The following PCDH15 variants were observed in gnomAD, a reference collection of about 807,000 sequenced individuals.
The protein encoded by PCDH15 is protocadherin related 15, also known as protocadherin-15.
PCDH15 carries 129 observed loss-of-function variants against 178.5 expected under a neutral mutation model. That is an observed-to-expected ratio of 0.72 (90% confidence interval 0.63 to 0.84). PCDH15 has a LOEUF of 0.84. Ranked by LOEUF, PCDH15 falls within the 40% of genes least tolerant of loss-of-function variation. PCDH15 has a pLI of 0.00. For missense variants in PCDH15, 2,230 were observed against 2,099.9 expected, an observed-to-expected ratio of 1.06 and a Z score of -1.21; for synonymous variants, 800 against 732.0, an observed-to-expected ratio of 1.09 and a Z score of -1.50.
chr10:54,585,717 A>G lies in PCDH15; in HGVS notation c.92-57840T>C, dbSNP rs140351970. Among the ~76,000 whole-genome samples the G allele has an allele frequency of 2.3e-3, 347 of 152,278 alleles. 1 individual carries two copies. Among genetic ancestry groups the G allele is most frequent in the African/African-American group, 7.8e-3 (325 of 41,556 alleles). On this transcript the variant is annotated intron_variant, in intron 2 of 37. Transcript: ENST00000644397. The stretch of plus-strand genomic sequence containing the variant: ...CATTGGTACTATTAGCTTAACAGAT[A>G]AAACCACAGATAACAGCCGCAATCA...
At position 54,664,115 on chromosome 10, in the gene PCDH15, CAAT is replaced by C. The variant is rs1590917711; in HGVS notation, c.91+54_91+56del. The C allele has an allele frequency of 2.7e-5, 34 of 1,256,462 alleles. No individual in the cohort carries two copies. In the East Asian group the frequency reaches 8.1e-4, roughly 30 times the overall value. The allele number at this position is 1,256,462 out of a possible 1,614,324, so 77.8% of individuals were successfully genotyped here. On this transcript the variant is annotated intron_variant, in intron 2 of 37. Coordinates refer to ENST00000644397, the MANE Select transcript of PCDH15 (RefSeq NM_001384140.1). ...ATTATTCATCTCTGTGGTATATTTT[CAAT>C]GTAATAATAAAAATCCTGGCTCGCT...
intron 2 of PCDH15, among the ~76,000 whole-genome samples, chr10:54,938,826 A>G (rs1837978231): frequency 6.6e-6 from 1 of 152,194 alleles, no homozygotes; most frequent in Non-Finnish European, 1.5e-5. Flanking sequence ...GATCTTAGAG[A>G]GATGTCATTC....
At position 54,806,752 on chromosome 10, in the gene PCDH15, G is replaced by A. The variant is rs73268245; in HGVS notation, c.-29+90698C>T. 3.7e-3 allele frequency among the ~76,000 whole-genome samples: 561 copies of A among 152,230 alleles called. 1 individual carries two copies. The highest frequency in any genetic ancestry group is 0.013 in the African/African-American group (539 of 41,536). The stretch of plus-strand genomic sequence containing the variant: ...ACCCGCCTTGGCCTCAAAGAATTCT[G>A]GGATTACAGGTCTGAGCCGCCTCGC... On this transcript the variant is annotated intron_variant, in intron 3 of 5. Transcript: ENST00000458638.
chr10:54,025,349 A>T (rs1286659022), intron 18 of PCDH15, among the ~76,000 whole-genome samples: 1 of 152,152 alleles, frequency 6.6e-6, no homozygotes, highest in Non-Finnish European at 1.5e-5. Context: ...CTAAGGAGAA[A>T]CAACTTCTTT....
intron 3 of PCDH15, among the ~76,000 whole-genome samples, chr10:54,866,825 G>T (rs556925387): frequency 2.6e-4 from 40 of 152,190 alleles, no homozygotes; most frequent in African/African-American, 9.4e-4. Context: ...ATCTGTAACA[G>T]ATATCTACTT....
rs369757970 is a variant in PCDH15 at position 55,395,947 on chromosome 10, A to G, written c.-155-229296T>C. 1.7e-4 allele frequency among the ~76,000 whole-genome samples: 26 copies of G among 152,280 alleles called. 1 individual carries two copies. In the East Asian group the frequency reaches 3.3e-3, roughly 19 times the overall value. ...AGAGAAATGTTTATATTCAATCTAAATTCTACCCAAAAAATGTCATATGCT... is the reference window on the plus strand; with the variant it reads ...AGAGAAATGTTTATATTCAATCTAAGTTCTACCCAAAAAATGTCATATGCT... On this transcript the variant is annotated intron_variant, in intron 2 of 5. Coordinates refer to the PCDH15 transcript ENST00000613346.
At chr10:54,130,133 AAG>A (rs1564490682) in intron 15 of PCDH15, among the ~76,000 whole-genome samples, 1 of 151,690 alleles carries the variant, frequency 6.6e-6, no homozygotes, top group African/African-American at 2.4e-5. Flanking sequence ...CAGACAGACA[AAG>A]AGGGAGGAAG....
intron 21 of PCDH15, among the ~76,000 whole-genome samples, chr10:53,963,949 G>C (rs866798720): frequency 6.6e-6 from 1 of 152,126 alleles, no homozygotes; most frequent in African/African-American, 2.4e-5. Flanking sequence ...TAAATACAAA[G>C]TTGTTAGTAA....
intron 2 of PCDH15, among the ~76,000 whole-genome samples, chr10:55,377,578 A>C (rs1490551979): frequency 1.3e-5 from 2 of 152,102 alleles, no homozygotes; most frequent in Non-Finnish European, 2.9e-5. Flanking sequence ...TCAAGTTCTC[A>C]TAAAAATAAT....
intron 23 of PCDH15, among the ~76,000 whole-genome samples, chr10:53,957,296 G>T (rs1564856038): frequency 6.6e-6 from 1 of 152,100 alleles, no homozygotes; most frequent in East Asian, 1.9e-4. Context: ...TATTTTTTGA[G>T]AACACCTGAT....
At chr10:54,817,520 C>A (rs937254375) in intron 3 of PCDH15, among the ~76,000 whole-genome samples, 2 of 151,952 alleles carry the variant, frequency 1.3e-5, no homozygotes, top group African/African-American at 4.8e-5. Context: ...AAGAGAATTC[C>A]TGTGACCTCG....
intron 1 of PCDH15, among the ~76,000 whole-genome samples, chr10:55,222,728 CACATATATATATATAT>C (rs1416630532): frequency 6.0e-5 from 3 of 49,732 alleles, no homozygotes; most frequent in Non-Finnish European, 1.3e-4. Context: ...CACACACACA[CACATATATATATATAT>C]ATATATATAT....
At chr10:54,840,584 T>C (rs1412766591) in intron 3 of PCDH15, among the ~76,000 whole-genome samples, 5 of 151,838 alleles carry the variant, frequency 3.3e-5, no homozygotes, top group Non-Finnish European at 7.4e-5. Context: ...AACTAAGTCC[T>C]TACTTATTAA....
At chr10:54,061,153 CTT>C in intron 18 of PCDH15, among the ~76,000 whole-genome samples, 1 of 152,244 alleles carries the variant, frequency 6.6e-6, no homozygotes, top group Non-Finnish European at 1.5e-5. Flanking sequence ...CCCCCAAAGA[CTT>C]GGGATCATCT....
intron 2 of PCDH15, among the ~76,000 whole-genome samples, chr10:55,509,914 C>CATGAAGAAATAGCTAACTAGAG (rs1840842545): frequency 6.6e-6 from 1 of 151,888 alleles, no homozygotes; most frequent in East Asian, 1.9e-4. Flanking sequence ...CCGTTTTATT[C>CATGAAGAAATAGCTAACTAGAG]ATGAAGAAAT....
chr10:54,481,923 T>G (rs1374318583), intron 3 of PCDH15, among the ~76,000 whole-genome samples: 2 of 151,800 alleles, frequency 1.3e-5, no homozygotes, highest in Admixed American at 1.3e-4. Flanking sequence ...TATTCAGAGC[T>G]CCATCAAGTA....
At chr10:54,933,086 G>A (rs927764686) in intron 2 of PCDH15, among the ~76,000 whole-genome samples, 1 of 152,092 alleles carries the variant, frequency 6.6e-6, no homozygotes, top group Non-Finnish European at 1.5e-5. Context: ...ATAGTAACAT[G>A]CTGTATAGGT....
intron 13 of PCDH15, among the ~76,000 whole-genome samples, chr10:54,166,923 G>C (rs1381280177): frequency 6.6e-6 from 1 of 152,096 alleles, no homozygotes; most frequent in Non-Finnish European, 1.5e-5. Context: ...AGCACCTTGC[G>C]AACCCCACTC....
chr10:54,411,287 TC>T, intron 3 of PCDH15, among the ~76,000 whole-genome samples: 1 of 152,264 alleles, frequency 6.6e-6, no homozygotes, highest in South Asian at 2.1e-4. Context: ...AAAGGCCACT[TC>T]CCAAAATTTG....
Sources: allele counts gnomAD v4.1 joint callset (sites outside exome capture counted in the v4.1 genomes callset), GRCh38; gene constraint gnomAD v4.1.1; transcripts MANE v1.5; gene names NCBI Gene and HGNC (gene_info 2026-07-23, HGNC 2026-07-21).